Variants in HIPK2 observed in about 807,000 individuals in gnomAD.
The protein encoded by HIPK2 is homeodomain-interacting protein kinase 2.
HIPK2 carries 27 observed loss-of-function variants against 113.7 expected under a neutral mutation model. The ratio of observed to expected loss-of-function variants is 0.24; its 90% confidence interval spans 0.17 to 0.33. HIPK2 has a LOEUF of 0.33. Among genes scored for constraint, HIPK2 ranks in the 10% least tolerant of loss-of-function variants. The pLI is 1.00. For synonymous variants in HIPK2, 631 were observed against 642.2 expected (o/e 0.98, Z 0.26); for missense variants, 1,257 against 1,588.0 (o/e 0.79, Z 3.54).
chr7:139,678,598 G>A (rs1802589596), intron 2 of HIPK2, among the ~76,000 whole-genome samples: 1 of 152,200 alleles, frequency 6.6e-6, no homozygotes, highest in African/African-American at 2.4e-5. Flanking sequence ...ATAGTTTGAA[G>A]TCAGGTAGCA....
intron 1 of HIPK2, among the ~76,000 whole-genome samples, chr7:139,727,838 CT>C (rs1474063886): frequency 6.6e-6 from 1 of 151,992 alleles, no homozygotes; most frequent in Non-Finnish European, 1.5e-5. Context: ...GACACAAACG[CT>C]TTTTCAGCTT....
intron 1 of HIPK2, among the ~76,000 whole-genome samples, chr7:139,761,667 G>T (rs999552065): frequency 2.0e-5 from 3 of 152,194 alleles, no homozygotes; most frequent in Non-Finnish European, 2.9e-5. Context: ...AGACTAAAAG[G>T]AAGTTACAAC....
intron 2 of HIPK2, among the ~76,000 whole-genome samples, chr7:139,673,535 C>T (rs1802379563): frequency 6.6e-6 from 1 of 152,012 alleles, no homozygotes; most frequent in African/African-American, 2.4e-5. Context: ...CTGTCATAGG[C>T]CATCTGTGTG....
At chr7:139,770,094 A>C (rs774954522) in intron 1 of HIPK2, among the ~76,000 whole-genome samples, 2 of 152,238 alleles carry the variant, frequency 1.3e-5, no homozygotes, top group South Asian at 4.1e-4. Context: ...TGGTGAGTAG[A>C]TGCCGTGACA....
chr7:139,635,981 G>A (rs1800799658), intron 2 of HIPK2, among the ~76,000 whole-genome samples: 1 of 152,216 alleles, frequency 6.6e-6, no homozygotes, highest in South Asian at 2.1e-4. Flanking sequence ...TCTGGAGAGA[G>A]TCATCTCCCC....
chr7:139,583,730 T>C, intron 13 of HIPK2, 87 bp downstream of exon 13: 2 of 1,543,656 alleles, frequency 1.3e-6, no homozygotes, highest in Non-Finnish European at 1.8e-6. Flanking sequence ...TTGTACTAGC[T>C]CCCATACAGC....
intron 2 of HIPK2, among the ~76,000 whole-genome samples, chr7:139,656,914 A>G (rs1801690338): frequency 6.6e-6 from 1 of 151,160 alleles, no homozygotes; most frequent in South Asian, 2.1e-4. Context: ...TCTGTCACCC[A>G]GGCTGGAGTG....
At chr7:139,672,381 A>G (rs1802333517) in intron 2 of HIPK2, among the ~76,000 whole-genome samples, 1 of 152,250 alleles carries the variant, frequency 6.6e-6, no homozygotes, top group African/African-American at 2.4e-5. Context: ...AATATGTCAT[A>G]CCAAGTAACC....
chr7:139,596,348 T>C (rs1438964259), intron 12 of HIPK2, among the ~76,000 whole-genome samples: 2 of 152,184 alleles, frequency 1.3e-5, no homozygotes, highest in African/African-American at 2.4e-5. Flanking sequence ...CAAGGCAATG[T>C]TAGAGAAATA....
In HIPK2 at chr7:139,620,447, T is replaced by C. The variant is rs1402954223; in HGVS notation, c.1736A>G (p.Asn579Ser). 1 of 1,613,916 alleles carries C rather than the reference T, an allele frequency of 6.2e-7. No individual in the cohort carries two copies. The highest frequency in any genetic ancestry group is 8.5e-7 in the Non-Finnish European group (1 of 1,179,890). Reference sequence around the variant, plus strand: ...CTGGTTGTTAAAGGTCATGGTCAGGTTGGTGGACGTGCTGGGGGCCACGTG... The same window carrying C: ...CTGGTTGTTAAAGGTCATGGTCAGGCTGGTGGACGTGCTGGGGGCCACGTG... The part of the protein sequence containing the change: ...ITHVAPSTST[N>S]LTMTFNNQLT... Residue 579 changes from asparagine to serine, a missense_variant, in exon 7 of 15, where the codon AAC becomes AGC. Transcript: ENST00000406875.
chr7:139,739,257 A>G (rs1317820880), intron 1 of HIPK2, among the ~76,000 whole-genome samples: 2 of 151,962 alleles, frequency 1.3e-5, no homozygotes, highest in East Asian at 1.9e-4. Flanking sequence ...CTTTATGGAC[A>G]TAACAACTCA....
At chr7:139,640,195 C>T (rs1022895540) in intron 2 of HIPK2, among the ~76,000 whole-genome samples, 1 of 152,208 alleles carries the variant, frequency 6.6e-6, no homozygotes, top group African/African-American at 2.4e-5. Flanking sequence ...TTCTTTCCAA[C>T]ATTCTCATAG....
At position 139,662,042 on chromosome 7, in the gene HIPK2, C is replaced by T. The variant is rs146753026; in HGVS notation, c.1104-30317G>A. Among the ~76,000 whole-genome samples the T allele has an allele frequency of 3.8e-3, 572 of 152,328 alleles. 2 individuals carry two copies. Among genetic ancestry groups the T allele is most frequent in the Non-Finnish European group, 5.7e-3 (388 of 68,034 alleles). ...TTATATGTTTAGCTTGGCTTCTGAC[C>T]TCTACTGAGATCTTCTTTATTCTTC... On this transcript the variant is annotated intron_variant, in intron 2 of 14. Transcript: ENST00000406875.
intron 12 of HIPK2, among the ~76,000 whole-genome samples, chr7:139,584,702 CT>C (rs1244774168): frequency 1.3e-5 from 2 of 152,222 alleles, no homozygotes; most frequent in Admixed American, 1.3e-4. Context: ...GCTCTGTGGG[CT>C]GTGTGCAGGC....
intron 1 of HIPK2, among the ~76,000 whole-genome samples, chr7:139,730,866 TAC>T (rs1381516007): frequency 6.6e-6 from 1 of 152,102 alleles, no homozygotes; most frequent in Non-Finnish European, 1.5e-5. Context: ...GACACAGACA[TAC>T]ACACAGAGTG....
chr7:139,740,407 C>T (rs1030877616), intron 1 of HIPK2, among the ~76,000 whole-genome samples: 2 of 152,200 alleles, frequency 1.3e-5, no homozygotes, highest in Non-Finnish European at 2.9e-5. Context: ...GATGAAGAGG[C>T]GCTCTGTGCA....
At chr7:139,686,597 T>G (rs2116746285) in intron 2 of HIPK2, among the ~76,000 whole-genome samples, 1 of 152,318 alleles carries the variant, frequency 6.6e-6, no homozygotes, top group South Asian at 2.1e-4. Context: ...TGCTCTGTAC[T>G]TCTCCTTGCT....
At chr7:139,594,633 T>C (rs545788664) in intron 12 of HIPK2, among the ~76,000 whole-genome samples, 2 of 152,332 alleles carry the variant, frequency 1.3e-5, no homozygotes, top group South Asian at 4.1e-4. Context: ...TAGATCTCTC[T>C]AGAAAACATT....
At chr7:139,717,517 T>C (rs1795282633) in intron 1 of HIPK2, among the ~76,000 whole-genome samples, 1 of 152,202 alleles carries the variant, frequency 6.6e-6, no homozygotes, top group Admixed American at 6.5e-5. Flanking sequence ...GGATCCTGGA[T>C]GAACCCTAAT....
Sources: gnomAD v4.1 joint callset for allele counts (sites outside exome capture counted in the v4.1 genomes callset) on GRCh38, gnomAD v4.1.1 for gene constraint, MANE v1.5 for transcripts, NCBI Gene and HGNC (gene_info 2026-07-23, HGNC 2026-07-21) for gene names.